Variants in MCC observed in about 807,000 individuals in gnomAD.
The protein encoded by MCC is colorectal mutant cancer protein.
A neutral mutation model predicts 116.2 loss-of-function variants in MCC; 90 were observed. The observed-to-expected ratio is 0.77, with a 90% CI of 0.65 to 0.92. The LOEUF is 0.92. Among genes scored for constraint, MCC ranks in the 40% least tolerant of loss-of-function variants. The probability of loss-of-function intolerance (pLI) is 0.00; values close to 1 mark genes in which losing one functional copy is unlikely to be tolerated. For missense variants in MCC, 1,516 were observed against 1,312.2 expected, an observed-to-expected ratio of 1.16 and a Z score of -2.40; for synonymous variants, 578 against 510.5, an observed-to-expected ratio of 1.13 and a Z score of -1.78.
At chr5:113,057,512 G>C (rs991678418) in intron 14 of MCC, among the ~76,000 whole-genome samples, 2 of 148,542 alleles carry the variant, frequency 1.3e-5, no homozygotes, top group South Asian at 2.1e-4. Context: ...AAAAATGAGA[G>C]GGGAGAAGCA....
chr5:113,351,688 G>A (rs7731465), intron 2 of MCC, among the ~76,000 whole-genome samples: 64,007 of 152,062 alleles, frequency 0.42, 14,649 homozygotes, highest in African/African-American at 0.59. Context: ...AAATGATGAA[G>A]AGAGTATAAC....
intron 13 of MCC, among the ~76,000 whole-genome samples, chr5:113,064,520 T>A (rs1753454136): frequency 6.6e-6 from 1 of 152,216 alleles, no homozygotes; most frequent in Non-Finnish European, 1.5e-5. Context: ...AGTCTACCAT[T>A]TGGCCATTCC....
chr5:113,469,902 C>T (rs1350840646), intron 1 of MCC, among the ~76,000 whole-genome samples: 1 of 152,146 alleles, frequency 6.6e-6, no homozygotes, highest in Non-Finnish European at 1.5e-5. Context: ...ATAGTTAGCT[C>T]TTCTTGTTGA....
At chr5:113,438,881 T>C (rs902688360) in intron 1 of MCC, among the ~76,000 whole-genome samples, 6 of 152,138 alleles carry the variant, frequency 3.9e-5, no homozygotes, top group African/African-American at 1.4e-4. Flanking sequence ...AAAGTACTGA[T>C]TTTGCAGTAA....
chr5:113,303,162 T>C (rs968353361), intron 3 of MCC, among the ~76,000 whole-genome samples: 2 of 152,158 alleles, frequency 1.3e-5, no homozygotes, highest in Non-Finnish European at 2.9e-5. Flanking sequence ...GGGATGTCAA[T>C]AGCAGTTGCA....
intron 8 of MCC, among the ~76,000 whole-genome samples, chr5:113,093,523 C>T (rs1238620167): frequency 6.6e-6 from 1 of 151,860 alleles, no homozygotes; most frequent in African/African-American, 2.4e-5. Flanking sequence ...ATGATGCAAG[C>T]CAGGAGCATA....
chr5:113,324,835 CTT>C (rs376266901), intron 3 of MCC, among the ~76,000 whole-genome samples: 38 of 144,358 alleles, frequency 2.6e-4, no homozygotes, highest in Admixed American at 2.8e-4. Flanking sequence ...AGTTTTGGAA[CTT>C]TTTTTTTTTT....
intron 14 of MCC, among the ~76,000 whole-genome samples, chr5:113,058,461 A>C (rs1752989008): frequency 6.6e-6 from 1 of 152,126 alleles, no homozygotes; most frequent in South Asian, 2.1e-4. Flanking sequence ...TCTGTGTTTT[A>C]ATATACCCTC....
intron 3 of MCC, among the ~76,000 whole-genome samples, chr5:113,219,000 TA>T (rs1763438223): frequency 6.6e-6 from 1 of 152,292 alleles, no homozygotes; most frequent in East Asian, 1.9e-4. Flanking sequence ...GTGAAGAGTC[TA>T]AAAAAAGAAA....
intron 3 of MCC, among the ~76,000 whole-genome samples, chr5:113,333,825 ATG>A (rs1175116166): frequency 4.6e-5 from 2 of 43,734 alleles, no homozygotes; most frequent in African/African-American, 2.2e-4. Flanking sequence ...ATGTACATAT[ATG>A]TATATATGTA....
chr5:113,024,055 ACTC>A lies in MCC; in HGVS notation c.*3244_*3246del. ...CCTTAGAGTGGTAACTTTCTTTACT[ACTC>A]CTTAACAGCTTTTAAGAAAAAGCCT... On this transcript the variant is annotated 3_prime_UTR_variant, in exon 19 of 19. Transcript: ENST00000408903. The A allele has an allele frequency of 6.6e-6, 1 of 151,898 alleles. No homozygotes were observed. The highest frequency in any genetic ancestry group is 1.5e-5 in the Non-Finnish European group (1 of 67,996). The allele number at this position is 151,898 out of a possible 1,614,324, so 9.4% of individuals were successfully genotyped here.
At chr5:113,114,215 T>G (rs1476508892) in intron 6 of MCC, among the ~76,000 whole-genome samples, 1 of 152,164 alleles carries the variant, frequency 6.6e-6, no homozygotes, top group Non-Finnish European at 1.5e-5. Flanking sequence ...TTTCTGTAAG[T>G]TTGAAGATTT....
At chr5:113,477,251 C>A (rs1032725483) in intron 1 of MCC, among the ~76,000 whole-genome samples, 1 of 152,084 alleles carries the variant, frequency 6.6e-6, no homozygotes, top group African/African-American at 2.4e-5. Context: ...AGACAAAAAC[C>A]AGTAAGTTGG....
chr5:113,091,889 CACACACACACACACCACACAA>C (rs1755670085), intron 8 of MCC, among the ~76,000 whole-genome samples: 1 of 148,316 alleles, frequency 6.7e-6, no homozygotes, highest in Non-Finnish European at 1.5e-5. Flanking sequence ...CTCAGACACA[CACACACACACACACCACACAA>C]ACACACACAC....
intron 1 of MCC, among the ~76,000 whole-genome samples, chr5:113,405,996 C>T (rs894025571): frequency 2.0e-5 from 3 of 152,066 alleles, no homozygotes; most frequent in Admixed American, 2.0e-4. Context: ...CTACTCCATC[C>T]CCCTTCTAAA....
chr5:113,332,959 A>T (rs988659796), intron 3 of MCC, among the ~76,000 whole-genome samples: 1 of 151,702 alleles, frequency 6.6e-6, no homozygotes, highest in African/African-American at 2.4e-5. Flanking sequence ...GAATTTTCAA[A>T]TCCCTTGACC....
At chr5:113,157,157 A>G (rs1292812804) in intron 3 of MCC, among the ~76,000 whole-genome samples, 3 of 152,176 alleles carry the variant, frequency 2.0e-5, no homozygotes, top group Non-Finnish European at 4.4e-5. Context: ...TCTGGTTATT[A>G]GGTGCTTCTG....
At chr5:113,113,640 A>AT (rs1757225511) in intron 6 of MCC, among the ~76,000 whole-genome samples, 1 of 117,254 alleles carries the variant, frequency 8.5e-6, no homozygotes, top group Non-Finnish European at 1.7e-5. Context: ...CATAACCCAC[A>AT]TATGTTCTTG....
intron 1 of MCC, 69 bp from the exon 2 acceptor site, chr5:113,385,281 A>G (rs1769227584): frequency 1.6e-6 from 2 of 1,216,220 alleles, no homozygotes; most frequent in Non-Finnish European, 2.3e-6. Context: ...CTGGTTAATG[A>G]AAAAAAAAAG....
Sources: gnomAD v4.1 joint callset for allele counts (sites outside exome capture counted in the v4.1 genomes callset) on GRCh38, gnomAD v4.1.1 for gene constraint, MANE v1.5 for transcripts, NCBI Gene and HGNC (gene_info 2026-07-23, HGNC 2026-07-21) for gene names.